Variants in SELENOF observed in about 807,000 individuals in gnomAD.
SELENOF encodes the protein 15 kDa selenoprotein.
Under a neutral mutation model 20.5 loss-of-function variants are expected in SELENOF, and 16 were observed. The observed-to-expected ratio is 0.78, with a 90% CI of 0.53 to 1.19. The LOEUF is 1.19. SELENOF is among the 50% of genes most tolerant of loss of function. The pLI, the probability that SELENOF is intolerant of heterozygous loss-of-function variation, is 0.00. For missense variants in SELENOF, 215 were observed against 194.2 expected, an observed-to-expected ratio of 1.11 and a Z score of -0.64; for synonymous variants, 78 against 74.5, an observed-to-expected ratio of 1.05 and a Z score of -0.24.
At position 86,913,974 on chromosome 1, in the gene SELENOF, G is replaced by A. The variant is rs1660062415; in HGVS notation, c.84+54C>T. On this transcript the variant is annotated intron_variant, in intron 1 of 4. Transcript: ENST00000331835. ...AGGACCGAATGTTGCGTCTTTCTCA[G>A]CTGCAATCACTCCTACTCTCCCTGT... is the stretch of plus-strand genomic sequence containing the variant. The A allele has an allele frequency of 9.2e-6, 14 of 1,514,306 alleles. 1 individual carries two copies. The South Asian group carries it at 1.6e-4, about 17-fold the overall frequency. 93.8% of individuals were successfully genotyped at this position (1,514,306 alleles called of 1,614,324 possible). A position where few individuals can be genotyped will look rare whatever the true frequency, so the allele number is the denominator to read the frequency against.
intron 2 of SELENOF, among the ~76,000 whole-genome samples, chr1:86,889,151 C>T (rs935705566): frequency 1.3e-5 from 2 of 151,926 alleles, no homozygotes; most frequent in African/African-American, 4.8e-5. Context: ...AAAAAAGAAA[C>T]GAGGCCATTC....
intron 1 of SELENOF, among the ~76,000 whole-genome samples, chr1:86,909,144 A>T (rs1260809915): frequency 6.6e-6 from 1 of 152,216 alleles, no homozygotes; most frequent in African/African-American, 2.4e-5. Context: ...ATTCCTATGG[A>T]AGTTTCCAAA....
At chr1:86,895,407 G>A (rs952267161) in intron 2 of SELENOF, among the ~76,000 whole-genome samples, 10 of 152,306 alleles carry the variant, frequency 6.6e-5, no homozygotes, top group African/African-American at 2.2e-4. Context: ...GCCACCTGCA[G>A]CAAGTATTTA....
At position 86,863,277 on chromosome 1, in the gene SELENOF, T is replaced by C. The variant is rs929768524; in HGVS notation, c.*197A>G. On this transcript the variant is annotated 3_prime_UTR_variant, in exon 5 of 5. Transcript: ENST00000331835. ...ACAAATGCAGGAGGATGGACATTTA[T>C]AAAAAATGGGTTTTGTTAAGCTTGC... The C allele has an allele frequency of 4.7e-6, 2 of 426,768 alleles. No individual in the cohort carries two copies. Among genetic ancestry groups the C allele is most frequent in the Non-Finnish European group, 8.2e-6 (2 of 243,646 alleles). The allele number at this position is 426,768 out of a possible 1,614,324, so 26.4% of individuals were successfully genotyped here. A position where few individuals can be genotyped will look rare whatever the true frequency, so the allele number is the denominator to read the frequency against.
chr1:86,885,872 TAAG>T (rs1210911906), intron 2 of SELENOF, among the ~76,000 whole-genome samples: 1 of 152,178 alleles, frequency 6.6e-6, no homozygotes, highest in Non-Finnish European at 1.5e-5. Flanking sequence ...AGAATTGCTA[TAAG>T]AAGTCACCAA....
intron 3 of SELENOF, among the ~76,000 whole-genome samples, chr1:86,870,665 T>C (rs1040198344): frequency 1.3e-5 from 2 of 152,152 alleles, no homozygotes; most frequent in Non-Finnish European, 2.9e-5. Context: ...TCGCCCAGGC[T>C]GGAGTGCAGT....
intron 3 of SELENOF, among the ~76,000 whole-genome samples, chr1:86,869,892 A>G (rs1658714316): frequency 6.6e-6 from 1 of 151,986 alleles, no homozygotes; most frequent in Non-Finnish European, 1.5e-5. Flanking sequence ...CTCCTGCCTC[A>G]GCCTCCCAAG....
At chr1:86,904,608 A>G (rs190356691) in intron 1 of SELENOF, among the ~76,000 whole-genome samples, 1 of 152,288 alleles carries the variant, frequency 6.6e-6, no homozygotes, top group Admixed American at 6.5e-5. Context: ...TATGGTCCTA[A>G]CTGCTCTTCC....
intron 4 of SELENOF, among the ~76,000 whole-genome samples, chr1:86,867,627 C>T (rs558733981): frequency 3.5e-4 from 54 of 152,182 alleles, no homozygotes; most frequent in African/African-American, 1.3e-3. Context: ...CTGTATGATA[C>T]TGTAATGGTA....
In SELENOF at chr1:86,903,310, G is replaced by T; in HGVS notation, c.223C>A (p.Gln75Lys). Reference sequence around the variant, plus strand: ...TTGGTTTCAAATTGTGCTTCCTCCTGACAGCATCCTCTGCAATCAGGATCC... The same window carrying T: ...TTGGTTTCAAATTGTGCTTCCTCCTTACAGCATCCTCTGCAATCAGGATCC... ...QLDPDCRGCCQEEAQFETKKL... is the reference protein window; with the variant it reads ...QLDPDCRGCCKEEAQFETKKL... Residue 75 changes from glutamine to lysine, a missense_variant, in exon 2 of 5, where the codon CAG becomes AAG. Gln to Lys is a moderately conservative substitution (Grantham distance 53). Transcript: ENST00000331835. The T allele has an allele frequency of 6.2e-7, 1 of 1,611,872 alleles. No individual in the cohort carries two copies. The highest frequency in any genetic ancestry group is 1.1e-5 in the South Asian group (1 of 90,520).
intron 1 of SELENOF, among the ~76,000 whole-genome samples, chr1:86,908,680 A>G (rs1659893808): frequency 6.6e-6 from 1 of 152,204 alleles, no homozygotes; most frequent in African/African-American, 2.4e-5. Context: ...CTGTGAAGAA[A>G]TGGAGTGGGG....
intron 1 of SELENOF, among the ~76,000 whole-genome samples, chr1:86,909,374 A>T (rs990659443): frequency 6.6e-6 from 1 of 152,172 alleles, no homozygotes; most frequent in African/African-American, 2.4e-5. Flanking sequence ...ATAAGGGTGA[A>T]TTGTCCAGCA....
At chr1:86,909,425 T>C (rs1277439605) in intron 1 of SELENOF, among the ~76,000 whole-genome samples, 1 of 152,152 alleles carries the variant, frequency 6.6e-6, no homozygotes, top group Non-Finnish European at 1.5e-5. Context: ...TTGAGAGTGG[T>C]TGGGCTTCCT....
At chr1:86,912,912 C>A (rs745568438) in intron 1 of SELENOF, among the ~76,000 whole-genome samples, 3 of 151,398 alleles carry the variant, frequency 2.0e-5, no homozygotes, top group Non-Finnish European at 2.9e-5. Context: ...AGAGGGAGAT[C>A]AAAAAAAGAC....
chr1:86,897,823 T>G (rs946734545), intron 2 of SELENOF, among the ~76,000 whole-genome samples: 1 of 152,216 alleles, frequency 6.6e-6, no homozygotes, highest in Non-Finnish European at 1.5e-5. Flanking sequence ...AGCCTGTCAG[T>G]CTCCAATTTT....
At chr1:86,892,775 A>G (rs1570395121) in intron 2 of SELENOF, among the ~76,000 whole-genome samples, 1 of 152,196 alleles carries the variant, frequency 6.6e-6, no homozygotes, top group Non-Finnish European at 1.5e-5. Context: ...TTCTTGAAAA[A>G]CACCAAGTGA....
At chr1:86,877,037 A>G (rs1050151002) in intron 3 of SELENOF, among the ~76,000 whole-genome samples, 5 of 152,242 alleles carry the variant, frequency 3.3e-5, no homozygotes, top group Non-Finnish European at 5.9e-5. Context: ...TTGATGGTTC[A>G]TAATTGAAAC....
intron 2 of SELENOF, among the ~76,000 whole-genome samples, chr1:86,895,054 TA>T: frequency 6.6e-6 from 1 of 152,330 alleles, no homozygotes; most frequent in Admixed American, 6.5e-5. Flanking sequence ...TGAAAGGACT[TA>T]AAAATTTGAA....
intron 3 of SELENOF, among the ~76,000 whole-genome samples, chr1:86,872,627 C>T (rs989827057): frequency 1.3e-5 from 2 of 151,922 alleles, no homozygotes; most frequent in African/African-American, 4.8e-5. Context: ...GTGATCCACC[C>T]GCCTCGGCCT....
Sources: gnomAD v4.1 joint callset for allele counts (sites outside exome capture counted in the v4.1 genomes callset) on GRCh38, gnomAD v4.1.1 for gene constraint, MANE v1.5 for transcripts, NCBI Gene and HGNC (gene_info 2026-07-23, HGNC 2026-07-21) for gene names.